The following ANKRD31 variants were observed in gnomAD, a reference collection of about 807,000 sequenced individuals.
ANKRD31 encodes the protein ankyrin repeat domain-containing protein 31.
Under a neutral mutation model 186.0 loss-of-function variants are expected in ANKRD31, and 147 were observed. That is an observed-to-expected ratio of 0.79 (90% CI 0.69 to 0.91). The LOEUF is 0.91. Among genes scored for constraint, ANKRD31 ranks in the 40% least tolerant of loss-of-function variants. The pLI is 0.00. For missense variants in ANKRD31, 1,986 were observed against 2,148.8 expected (o/e 0.92, Z 1.50); for synonymous variants, 673 against 736.4 (o/e 0.91, Z 1.39).
chr5:75,152,822 A>C (rs186608944), intron 12 of ANKRD31, among the ~76,000 whole-genome samples: 31 of 152,138 alleles, frequency 2.0e-4, no homozygotes, highest in Middle Eastern at 3.4e-3. Flanking sequence ...TAAGCAGAGC[A>C]GGGTTAGAGG....
intron 22 of ANKRD31, among the ~76,000 whole-genome samples, chr5:75,097,863 G>GT (rs1297917188): frequency 6.6e-6 from 1 of 152,084 alleles, no homozygotes; most frequent in African/African-American, 2.4e-5. Context: ...TCCAGTTTCA[G>GT]TTTTCTATAT....
intron 25 of ANKRD31, among the ~76,000 whole-genome samples, chr5:75,074,421 A>C (rs1744469019): frequency 1.3e-5 from 2 of 152,102 alleles, no homozygotes; most frequent in Admixed American, 1.3e-4. Flanking sequence ...GTCCCATACT[A>C]TGTACTTTAG....
chr5:75,222,219 G>A, intron 3 of ANKRD31, 30 bp downstream of exon 3: 2 of 1,418,038 alleles, frequency 1.4e-6, no homozygotes. Flanking sequence ...AATTTTTAAT[G>A]AGTATGTATT....
At chr5:75,180,878 A>G in intron 10 of ANKRD31, among the ~76,000 whole-genome samples, 1 of 152,180 alleles carries the variant, frequency 6.6e-6, no homozygotes. Context: ...CAAAACTGAC[A>G]AATGGGATTT....
At chr5:75,123,703 T>G (rs572696718) in intron 17 of ANKRD31, among the ~76,000 whole-genome samples, 1 of 152,254 alleles carries the variant, frequency 6.6e-6, no homozygotes, top group African/African-American at 2.4e-5. Flanking sequence ...GGGAAAAAGA[T>G]ATCTTTTTCA....
chr5:75,112,464 G>A, intron 20 of ANKRD31, 49 bp downstream of exon 20: 1 of 1,242,220 alleles, frequency 8.1e-7, no homozygotes, highest in Non-Finnish European at 1.1e-6. Context: ...TTAAGAAGAT[G>A]ACCTTGGGTA....
At chr5:75,099,244 C>G (rs1329627440) in intron 22 of ANKRD31, among the ~76,000 whole-genome samples, 1 of 152,042 alleles carries the variant, frequency 6.6e-6, no homozygotes, top group Admixed American at 6.6e-5. Context: ...TATTGATTTG[C>G]GTATGTTGAA....
chr5:75,185,784 T>C (rs565736608), intron 10 of ANKRD31, among the ~76,000 whole-genome samples: 1 of 152,090 alleles, frequency 6.6e-6, no homozygotes, highest in Non-Finnish European at 1.5e-5. Flanking sequence ...TTGTTCCCCA[T>C]AAATATGTAT....
intron 2 of ANKRD31, 125 bp downstream of exon 2, chr5:75,230,437 G>A: frequency 3.1e-6 from 2 of 652,630 alleles, no homozygotes; most frequent in South Asian, 2.4e-5. Flanking sequence ...TTAGCTTATG[G>A]TAAAATTGGT....
At chr5:75,134,020 G>A (rs879957567) in intron 17 of ANKRD31, among the ~76,000 whole-genome samples, 1 of 152,088 alleles carries the variant, frequency 6.6e-6, no homozygotes, top group Non-Finnish European at 1.5e-5. Flanking sequence ...AAAGCAGTGT[G>A]TAGAGGGAAA....
rs1580453161 is a variant in ANKRD31 at position 75,159,260 on chromosome 5, C to T, written c.1708-4915G>A. ...TATAGGGCACCATTAAGCACAACAA[C>T]ATACACATTACAGGAGTTCCAGAAA... On this transcript the variant is annotated intron_variant, in intron 11 of 25. Coordinates refer to ENST00000506364, the MANE Select transcript of ANKRD31 (RefSeq NM_001372053.1). Among the ~76,000 whole-genome samples, 3 of 151,438 alleles carry T rather than the reference C, an allele frequency of 2.0e-5. No homozygotes were observed. The East Asian group carries it at 6.6e-4, about 33-fold the overall frequency.
At chr5:75,129,709 C>T (rs1288667540) in intron 17 of ANKRD31, among the ~76,000 whole-genome samples, 3 of 152,174 alleles carry the variant, frequency 2.0e-5, no homozygotes, top group South Asian at 4.1e-4. Context: ...CTACAGCTCC[C>T]AGCATGAGCG....
At chr5:75,102,315 C>T (rs563349483) in intron 22 of ANKRD31, among the ~76,000 whole-genome samples, 44 of 152,226 alleles carry the variant, frequency 2.9e-4, no homozygotes, top group South Asian at 2.1e-3. Context: ...GAGGGGCGCC[C>T]AGCAGTATGA....
In ANKRD31 at chr5:75,230,595, T is replaced by C; in HGVS notation, c.145A>G (p.Ser49Gly). The C allele has an allele frequency of 1.3e-6, 2 of 1,537,022 alleles. No individual in the cohort carries two copies. The highest frequency in any genetic ancestry group is 1.7e-6 in the Non-Finnish European group (2 of 1,146,766). Residue 49 changes from serine to glycine, a missense_variant, in exon 2 of 26, where the codon AGT (serine) becomes GGT (glycine). Coordinates refer to ENST00000506364, the MANE Select transcript of ANKRD31 (RefSeq NM_001372053.1). ...ATTCCTCTTGTATCAGGATGCAGAC[T>C]GAACTCAGATTTAAGAGATGCGTCT... ...DQDASLKSEF[S>G]LHPDTRGMCK...
chr5:75,204,796 A>G (rs957988545), intron 5 of ANKRD31, among the ~76,000 whole-genome samples: 1 of 152,246 alleles, frequency 6.6e-6, no homozygotes. Context: ...CTACTTAAAC[A>G]GTGATAAACA....
rs1347819537 is a variant in ANKRD31 at position 75,147,278 on chromosome 5, C to G, written c.2133G>C (p.Lys711Asn). The change falls in exon 14 of 26, where the codon AAG (lysine) becomes AAC (asparagine). Residue 711 changes from lysine (K) to asparagine (N), a missense_variant. Transcript: ENST00000506364. ...GATCTTTGACGTTATGGAGATTGCC[C>G]TTTCTGAGTCCTGTAGAGTATATCT... Reference protein sequence around the residue: ...LDQIYSTGLRKGNLHNVKDPN... With the variant: ...LDQIYSTGLRNGNLHNVKDPN... The G allele has an allele frequency of 6.5e-7, 1 of 1,535,812 alleles. No homozygotes were observed. Among genetic ancestry groups the G allele is most frequent in the Non-Finnish European group, 8.7e-7 (1 of 1,146,146 alleles).
intron 11 of ANKRD31, 33 bp downstream of exon 11, chr5:75,168,946 G>T: frequency 6.7e-7 from 1 of 1,497,936 alleles, no homozygotes; most frequent in South Asian, 1.3e-5. Context: ...GCAAAATATA[G>T]TATTTGTTCT....
intron 23 of ANKRD31, among the ~76,000 whole-genome samples, chr5:75,086,610 A>G (rs1745500086): frequency 6.6e-6 from 1 of 152,210 alleles, no homozygotes; most frequent in South Asian, 2.1e-4. Flanking sequence ...ACCCATTTTG[A>G]TGAAGGGCAG....
Position 75,192,720 on chromosome 5 carries a change from C to G in ANKRD31, c.1355G>C (p.Arg452Thr), listed in dbSNP as rs1034865794. ...DGKEKNMHSA[R>T]FKNGKQIRKN... ...CCTGATCTGTTTTCCATTCTTGAACCTTGCTGAATGCATATTCTTCTCTTT... is the reference window on the plus strand; with the variant it reads ...CCTGATCTGTTTTCCATTCTTGAACGTTGCTGAATGCATATTCTTCTCTTT... Residue 452 changes from arginine (R) to threonine (T), a missense_variant, in exon 9 of 26, where the codon AGG (arginine) becomes ACG (threonine). Arg to Thr is a moderately conservative substitution (Grantham distance 71). Transcript: ENST00000506364. 3 of 1,535,128 alleles carry G rather than the reference C, an allele frequency of 2.0e-6. No homozygotes were observed. The African/African-American group carries it at 4.1e-5, about 21-fold the overall frequency.
Sources: allele counts gnomAD v4.1 joint callset (sites outside exome capture counted in the v4.1 genomes callset), GRCh38; gene constraint gnomAD v4.1.1; transcripts MANE v1.5; gene names NCBI Gene and HGNC (gene_info 2026-07-23, HGNC 2026-07-21).